Variants in MS4A4A observed in about 807,000 individuals in gnomAD.
MS4A4A encodes membrane spanning 4-domains A4A.
A neutral mutation model predicts 28.0 loss-of-function variants in MS4A4A; 26 were observed. The observed-to-expected ratio is 0.93, with a 90% confidence interval of 0.68 to 1.29. The LOEUF is 1.29. Ranked by LOEUF, MS4A4A falls within the 50% of genes most tolerant of loss-of-function variation. MS4A4A has a pLI of 0.00. For synonymous variants in MS4A4A, 86 were observed against 100.8 expected, an observed-to-expected ratio of 0.85 and a Z score of 0.88; for missense variants, 290 against 293.1, an observed-to-expected ratio of 0.99 and a Z score of 0.08.
At chr11:60,299,192 G>A (rs1353448397) in intron 3 of MS4A4A, among the ~76,000 whole-genome samples, 2 of 151,912 alleles carry the variant, frequency 1.3e-5, no homozygotes, top group African/African-American at 4.8e-5. Context: ...AATAGTTTAT[G>A]GTAATTTTTA....
chr11:60,286,180 C>T (rs2084802258), intron 1 of MS4A4A, among the ~76,000 whole-genome samples: 1 of 152,134 alleles, frequency 6.6e-6, no homozygotes, highest in South Asian at 2.1e-4. Flanking sequence ...TGGTTATCTC[C>T]CTTGTTTCCT....
chr11:60,306,883 T>C (rs1008937575), intron 6 of MS4A4A, among the ~76,000 whole-genome samples: 1 of 152,250 alleles, frequency 6.6e-6, no homozygotes, highest in Non-Finnish European at 1.5e-5. Flanking sequence ...AATATCATGA[T>C]CTCAGACTTC....
chr11:60,284,672 T>C (rs946329228), intron 1 of MS4A4A, among the ~76,000 whole-genome samples: 7 of 152,184 alleles, frequency 4.6e-5, no homozygotes, highest in Non-Finnish European at 8.8e-5. Context: ...TCTTGCAGTC[T>C]CTGTTCTAAT....
rs1300666787 is a variant in MS4A4A, at chr11:60,302,568, A to G, written c.397A>G (p.Ser133Gly). 2 of 1,613,880 alleles carry G rather than the reference A, an allele frequency of 1.2e-6. No individual in the cohort carries two copies. Among genetic ancestry groups the G allele is most frequent in the East Asian group, 4.5e-5 (2 of 44,878 alleles). The change falls in exon 5 of 7, where the codon AGT (serine) becomes GGT (glycine). Residue 133 changes from serine to glycine, a missense_variant. By Grantham distance (56) the Ser-to-Gly change is moderately conservative. Transcript: ENST00000337908. ...TTTCATTCCTTTCTAGGTCCGAGGT[A>G]GTCTAGGAATGAATATCACCAGCTC... ...IRTTKGLVRGSLGMNITSSVL... is the reference protein window; with the variant it reads ...IRTTKGLVRGGLGMNITSSVL...
chr11:60,297,008 C>T lies in MS4A4A; in HGVS notation c.202-189C>T, dbSNP rs185421591. ...AAATTATTGGCAATGATAGACGTCG[C>T]GAGAGATAATATTGGTAAGATTACA... On this transcript the variant is annotated intron_variant, in intron 2 of 6. Transcript: ENST00000337908. 361 of 666,520 alleles carry T rather than the reference C, an allele frequency of 5.4e-4. 1 individual carries two copies. The highest frequency in any genetic ancestry group is 7.2e-4 in the Non-Finnish European group (296 of 413,186). The allele number at this position is 666,520 out of a possible 1,614,324, so 41.3% of individuals were successfully genotyped here.
intron 6 of MS4A4A, among the ~76,000 whole-genome samples, chr11:60,306,647 T>A (rs930600961): frequency 6.6e-6 from 1 of 152,176 alleles, no homozygotes; most frequent in Non-Finnish European, 1.5e-5. Flanking sequence ...ACAGGTTCCA[T>A]CCACACTTGA....
chr11:60,282,836 G>A, intron 1 of MS4A4A: 1 of 873,458 alleles, frequency 1.1e-6, no homozygotes, highest in South Asian at 1.9e-5. Context: ...TATAAAAGAA[G>A]GCTTTTAAAG....
At chr11:60,305,608 T>C (rs1368629379) in intron 5 of MS4A4A, 1 of 153,182 alleles carries the variant, frequency 6.5e-6, no homozygotes, top group Non-Finnish European at 1.5e-5. Flanking sequence ...TTCTCTTATA[T>C]CAGCTAATAA....
In MS4A4A at chr11:60,297,415, G is replaced by T. The variant is rs1413964797; in HGVS notation, c.330+90G>T. On this transcript the variant is annotated intron_variant, in intron 3 of 6. Transcript: ENST00000337908. ...TGGAATCCTATTCTAACCGTATCTT[G>T]TAATTCTGTAAATCTGAGAGTGGTA... 6 of 1,436,356 alleles carry T rather than the reference G, an allele frequency of 4.2e-6. No individual in the cohort carries two copies. In the East Asian group the frequency reaches 7.1e-5, roughly 17 times the overall value. 89.0% of individuals were successfully genotyped at this position (1,436,356 alleles called of 1,614,324 possible). A position where few individuals can be genotyped will look rare whatever the true frequency, so the allele number is the denominator to read the frequency against.
At position 60,297,408 on chromosome 11, in the gene MS4A4A, G is replaced by T. The variant is rs151169461; in HGVS notation, c.330+83G>T. 2.9e-3 allele frequency: 4,344 copies of T among 1,472,578 alleles called. 4 individuals are homozygous for T. The highest frequency in any genetic ancestry group is 3.6e-3 in the Non-Finnish European group (3,889 of 1,083,994). The allele number at this position is 1,472,578 out of a possible 1,614,324, so 91.2% of individuals were successfully genotyped here. The stretch of plus-strand genomic sequence containing the variant: ...TGATCTTTGGAATCCTATTCTAACC[G>T]TATCTTGTAATTCTGTAAATCTGAG... On this transcript the variant is annotated intron_variant, in intron 3 of 6. Transcript: ENST00000337908.
intron 1 of MS4A4A, among the ~76,000 whole-genome samples, chr11:60,284,198 C>A (rs894090031): frequency 6.6e-6 from 1 of 152,130 alleles, no homozygotes; most frequent in African/African-American, 2.4e-5. Flanking sequence ...ATAATTCTGT[C>A]CTGTGAATAA....
In MS4A4A at chr11:60,289,123, C is replaced by A. The variant is rs75546698; in HGVS notation, c.42-3102C>A. ...GAGATAGAGGTGTGCAATAGCTACT[C>A]ACTTCTGAAGCAGAATGCACTGTAG... is the stretch of plus-strand genomic sequence containing the variant. On this transcript the variant is annotated intron_variant, in intron 1 of 6. Transcript: ENST00000337908. Among the ~76,000 whole-genome samples the A allele has an allele frequency of 6.2e-3, 937 of 152,208 alleles. 13 individuals are homozygous for A. Among genetic ancestry groups the A allele is most frequent in the African/African-American group, 0.022 (905 of 41,514 alleles).
In MS4A4A at chr11:60,292,186, T is replaced by C. The variant is rs111705793; in HGVS notation, c.42-39T>C. 2.9e-4 allele frequency: 428 copies of C among 1,499,910 alleles called. 2 individuals carry two copies. In the African/African-American group the frequency reaches 5.4e-3, roughly 19 times the overall value. The allele number at this position is 1,499,910 out of a possible 1,614,324, so 92.9% of individuals were successfully genotyped here. On this transcript the variant is annotated intron_variant, in intron 1 of 6. Transcript: ENST00000337908. Reference sequence around the variant, plus strand: ...CAAAGTGTCATGTCCTCTTTTGCCATTTCCAGGACATCATACTAAATTACA... The same window carrying C: ...CAAAGTGTCATGTCCTCTTTTGCCACTTCCAGGACATCATACTAAATTACA...
chr11:60,287,544 C>T (rs2084813686), intron 1 of MS4A4A, among the ~76,000 whole-genome samples: 2 of 152,166 alleles, frequency 1.3e-5, no homozygotes, highest in Admixed American at 1.3e-4. Context: ...GACATTGAAA[C>T]CATAGCATCT....
intron 1 of MS4A4A, among the ~76,000 whole-genome samples, chr11:60,284,557 T>C (rs1261517368): frequency 1.3e-5 from 2 of 152,328 alleles, no homozygotes; most frequent in African/African-American, 4.8e-5. Flanking sequence ...CTTTTGCAGT[T>C]TGTCTCAAAG....
In MS4A4A at chr11:60,303,573, T is replaced by A. The variant is rs528230546; in HGVS notation, c.546+856T>A. The stretch of plus-strand genomic sequence containing the variant: ...AAATACAAAAATTAGCCAGGCATGA[T>A]GGCACGTGCCTGTGATCCCAGCTAC... On this transcript the variant is annotated intron_variant, in intron 5 of 6. Transcript: ENST00000337908. Among the ~76,000 whole-genome samples, 8 of 152,194 alleles carry A rather than the reference T, an allele frequency of 5.3e-5. No individual in the cohort carries two copies. In the East Asian group the frequency reaches 1.5e-3, roughly 29 times the overall value.
Position 60,283,033 on chromosome 11 carries a change from T to C in MS4A4A, c.41+2317T>C, listed in dbSNP as rs73487281. ...AATACACAGAGTTGAAAAATGGTTG[T>C]GTAGGATTAGAATGAGATTGATTGA... On this transcript the variant is annotated intron_variant, in intron 1 of 6. Transcript: ENST00000337908. Among the ~76,000 whole-genome samples the C allele has an allele frequency of 3.7e-3, 558 of 152,200 alleles. 3 individuals are homozygous for C. Among genetic ancestry groups the C allele is most frequent in the African/African-American group, 0.013 (548 of 41,534 alleles).
intron 1 of MS4A4A, among the ~76,000 whole-genome samples, chr11:60,285,359 C>T (rs2084794772): frequency 6.6e-6 from 1 of 152,108 alleles, no homozygotes; most frequent in Admixed American, 6.5e-5. Context: ...CAAAAATTAG[C>T]TGGGTGTGGT....
At chr11:60,295,583 G>T (rs979888562) in intron 2 of MS4A4A, among the ~76,000 whole-genome samples, 3 of 152,092 alleles carry the variant, frequency 2.0e-5, no homozygotes, top group African/African-American at 7.2e-5. Flanking sequence ...TAGTGAGAAA[G>T]CTTTGAGTTT....
Sources: gnomAD v4.1 joint callset for allele counts (sites outside exome capture counted in the v4.1 genomes callset) on GRCh38, gnomAD v4.1.1 for gene constraint, MANE v1.5 for transcripts, NCBI Gene and HGNC (gene_info 2026-07-23, HGNC 2026-07-21) for gene names.